Variants in SGCZ observed in about 807,000 individuals in gnomAD.
SGCZ encodes the protein zeta-sarcoglycan.
SGCZ carries 40 observed loss-of-function variants against 41.3 expected under a neutral mutation model. That is an observed-to-expected ratio of 0.97 (90% confidence interval 0.75 to 1.26). SGCZ has a LOEUF of 1.26. Among genes scored for constraint, SGCZ ranks in the 50% most tolerant of loss-of-function variants. The probability of loss-of-function intolerance (pLI) is 0.00; values close to 1 mark genes in which losing one functional copy is unlikely to be tolerated. For synonymous variants in SGCZ, 206 were observed against 137.5 expected (o/e 1.50, Z -3.49); for missense variants, 552 against 369.8 (o/e 1.49, Z -4.04).
At chr8:14,897,959 T>C (rs900399965) in intron 1 of SGCZ, among the ~76,000 whole-genome samples, 1 of 152,164 alleles carries the variant, frequency 6.6e-6, no homozygotes, top group Non-Finnish European at 1.5e-5. Context: ...CCTACCCTAA[T>C]AAGGCTTGTA....
intron 1 of SGCZ, among the ~76,000 whole-genome samples, chr8:15,131,414 C>T (rs925720627): frequency 1.6e-4 from 25 of 152,188 alleles, no homozygotes; most frequent in African/African-American, 5.1e-4. Context: ...CTGCCAGCCA[C>T]GTGGAACTGT....
intron 1 of SGCZ, among the ~76,000 whole-genome samples, chr8:14,741,817 C>A (rs1001007144): frequency 6.6e-6 from 1 of 151,928 alleles, no homozygotes; most frequent in Non-Finnish European, 1.5e-5. Flanking sequence ...ACAATTATGT[C>A]GGTAAAGCTT....
intron 2 of SGCZ, among the ~76,000 whole-genome samples, chr8:14,480,859 T>G (rs750244796): frequency 7.9e-5 from 12 of 152,076 alleles, no homozygotes; most frequent in Non-Finnish European, 1.5e-4. Flanking sequence ...GATACAAGTT[T>G]AATTATATAA....
At chr8:15,158,215 C>T (rs1406717814) in intron 1 of SGCZ, among the ~76,000 whole-genome samples, 1 of 152,030 alleles carries the variant, frequency 6.6e-6, no homozygotes, top group Non-Finnish European at 1.5e-5. Context: ...CAGGGAATCC[C>T]TTTCCTCCTC....
At chr8:14,357,409 A>G (rs1438983033) in intron 2 of SGCZ, among the ~76,000 whole-genome samples, 2 of 152,242 alleles carry the variant, frequency 1.3e-5, no homozygotes, top group Admixed American at 1.3e-4. Context: ...ACATAAAAAA[A>G]CTGTGTAGCA....
chr8:14,203,361 G>C (rs1805518174), intron 4 of SGCZ, among the ~76,000 whole-genome samples: 1 of 152,124 alleles, frequency 6.6e-6, no homozygotes. Context: ...AATTTTATCG[G>C]AGCTAAAGAT....
At position 15,074,422 on chromosome 8, in the gene SGCZ, C is replaced by A. The variant is rs368716663; in HGVS notation, c.39+163163G>T. 7.2e-4 allele frequency among the ~76,000 whole-genome samples: 109 copies of A among 152,262 alleles called. 1 individual carries two copies. The highest frequency in any genetic ancestry group is 3.4e-3 in the Middle Eastern group (1 of 294). ...CTTTAAAACAGACTTTTACAATGGG[C>A]TCCTGACTGCTGTAGGAGTCTCTTG... On this transcript the variant is annotated intron_variant, in intron 1 of 7. Transcript: ENST00000382080.
intron 1 of SGCZ, among the ~76,000 whole-genome samples, chr8:14,847,766 C>T (rs1803184229): frequency 7.8e-6 from 1 of 127,600 alleles, no homozygotes; most frequent in Non-Finnish European, 1.6e-5. Context: ...AGGGGAGCCG[C>T]AGCTAACATC....
In SGCZ at chr8:15,090,289, A is replaced by G. The variant is rs561963558; in HGVS notation, c.39+147296T>C. Among the ~76,000 whole-genome samples, 33 of 152,342 alleles carry G rather than the reference A, an allele frequency of 2.2e-4. No individual in the cohort carries two copies. The East Asian group carries it at 6.0e-3, about 28-fold the overall frequency. Reference sequence around the variant, plus strand: ...ACAAAAAATACCATGTATTTTGGCCAAACCATACTGCTTAATCTTTAAAAT... The same window carrying G: ...ACAAAAAATACCATGTATTTTGGCCGAACCATACTGCTTAATCTTTAAAAT... On this transcript the variant is annotated intron_variant, in intron 1 of 7. Coordinates refer to ENST00000382080, the MANE Select transcript of SGCZ (RefSeq NM_139167.4).
At chr8:14,803,047 T>A (rs529247675) in intron 1 of SGCZ, among the ~76,000 whole-genome samples, 3 of 152,322 alleles carry the variant, frequency 2.0e-5, no homozygotes, top group African/African-American at 7.2e-5. Flanking sequence ...ATCTGACCTT[T>A]TAAATTTATT....
intron 2 of SGCZ, among the ~76,000 whole-genome samples, chr8:14,528,018 A>G (rs910333720): frequency 6.6e-6 from 1 of 152,084 alleles, no homozygotes; most frequent in Non-Finnish European, 1.5e-5. Flanking sequence ...AATAGTACAG[A>G]TGGGAGGTGA....
chr8:14,110,993 G>T (rs1442234056), intron 5 of SGCZ, among the ~76,000 whole-genome samples: 1 of 152,082 alleles, frequency 6.6e-6, no homozygotes, highest in African/African-American at 2.4e-5. Flanking sequence ...GGCAAAGGTT[G>T]CAGTGAGCTG....
In SGCZ at chr8:14,146,845, C is replaced by T. The variant is rs1393104761; in HGVS notation, c.547+17735G>A. ...CGAGATCCCGCCACTGCACTCCAGC[C>T]TGGGCGACAGAGCGAGACTCCGTCT... On this transcript the variant is annotated intron_variant, in intron 5 of 7. Transcript: ENST00000382080. 4.4e-5 allele frequency among the ~76,000 whole-genome samples: 6 copies of T among 136,072 alleles called. 1 individual carries two copies. The highest frequency in any genetic ancestry group is 4.1e-4 in the East Asian group (2 of 4,882). 89.3% of individuals were successfully genotyped at this position (136,072 alleles called of 152,430 possible).
chr8:14,118,413 G>GTTT (rs1563137079), intron 5 of SGCZ, among the ~76,000 whole-genome samples: 3 of 151,942 alleles, frequency 2.0e-5, no homozygotes, highest in African/African-American at 7.3e-5. Context: ...TTTTGATGGG[G>GTTT]TTGTTTTTTT....
intron 2 of SGCZ, among the ~76,000 whole-genome samples, chr8:14,358,026 G>A (rs1426144805): frequency 6.6e-6 from 1 of 152,104 alleles, no homozygotes; most frequent in East Asian, 1.9e-4. Flanking sequence ...AATTGACAAT[G>A]GCCCGTGTTT....
chr8:14,337,465 G>T (rs1026994008), intron 2 of SGCZ, among the ~76,000 whole-genome samples: 1 of 152,076 alleles, frequency 6.6e-6, no homozygotes, highest in Non-Finnish European at 1.5e-5. Flanking sequence ...ACTCTCCTGG[G>T]ATAAAGAATT....
intron 2 of SGCZ, among the ~76,000 whole-genome samples, chr8:14,362,135 G>A (rs1269647157): frequency 2.0e-5 from 3 of 152,302 alleles, no homozygotes; most frequent in Admixed American, 1.3e-4. Context: ...CAGGCTACAC[G>A]TGGGTCTGGG....
At chr8:14,510,970 C>G (rs1452861028) in intron 2 of SGCZ, among the ~76,000 whole-genome samples, 2 of 152,032 alleles carry the variant, frequency 1.3e-5, no homozygotes, top group Non-Finnish European at 2.9e-5. Context: ...TGGTACCCAA[C>G]TCTAAGTTGA....
intron 5 of SGCZ, among the ~76,000 whole-genome samples, chr8:14,146,537 A>G (rs1803525584): frequency 6.6e-6 from 1 of 152,172 alleles, no homozygotes; most frequent in South Asian, 2.1e-4. Context: ...ACAGAAAAAC[A>G]CAGAATATTA....
Sources: gnomAD v4.1 joint callset for allele counts (sites outside exome capture counted in the v4.1 genomes callset) on GRCh38, gnomAD v4.1.1 for gene constraint, MANE v1.5 for transcripts, NCBI Gene and HGNC (gene_info 2026-07-23, HGNC 2026-07-21) for gene names.